Variants in CACNG4 observed in about 807,000 individuals in gnomAD.
CACNG4 encodes the protein calcium voltage-gated channel auxiliary subunit gamma 4.
Under a neutral mutation model 22.9 loss-of-function variants are expected in CACNG4, and 8 were observed. That is an observed-to-expected ratio of 0.35 (90% CI 0.21 to 0.63). CACNG4 has a LOEUF of 0.63. Among genes scored for constraint, CACNG4 ranks in the 30% least tolerant of loss-of-function variants. The probability of loss-of-function intolerance (pLI) is 0.72; values close to 1 mark genes in which losing one functional copy is unlikely to be tolerated. For synonymous variants in CACNG4, 188 were observed against 191.9 expected (o/e 0.98, Z 0.17); for missense variants, 357 against 455.4 (o/e 0.78, Z 1.97).
intron 1 of CACNG4, among the ~76,000 whole-genome samples, chr17:66,969,997 C>G (rs1227789340): frequency 1.3e-5 from 2 of 152,180 alleles, no homozygotes; most frequent in African/African-American, 4.8e-5. Context: ...TAAGTACCAC[C>G]GGCCAGAATC....
intron 3 of CACNG4, among the ~76,000 whole-genome samples, chr17:67,026,699 GTA>G (rs898570380): frequency 2.0e-5 from 3 of 150,926 alleles, no homozygotes; most frequent in Non-Finnish European, 3.0e-5. Flanking sequence ...GAGGACTATG[GTA>G]TATGTGTGTC....
Position 66,964,878 on chromosome 17 carries a change from G to C in CACNG4, c.-34G>C. ...GGAGGGCGGGCGGGCGCGGCGGGCC[G>C]GGCCGGCGGGCGGCGGACTATGAGG... On this transcript the variant is annotated 5_prime_UTR_variant, in exon 1 of 4. Transcript: ENST00000262138. 3.3e-6 allele frequency: 4 copies of C among 1,216,844 alleles called. No individual in the cohort carries two copies. Among genetic ancestry groups the C allele is most frequent in the East Asian group, 4.2e-5 (1 of 23,750 alleles). 75.4% of individuals were successfully genotyped at this position (1,216,844 alleles called of 1,614,324 possible). A position where few individuals can be genotyped will look rare whatever the true frequency, so the allele number is the denominator to read the frequency against.
rs2035189663 is a variant in CACNG4, at chr17:66,969,214, C to T, written c.220+4083C>T. The stretch of plus-strand genomic sequence containing the variant: ...AGACTCTGGGCCCAGAGGGCAGCAG[C>T]TTGTGCCACATGCCAAAGCCCTGCC... On this transcript the variant is annotated intron_variant, in intron 1 of 3. Transcript: ENST00000262138. Among the ~76,000 whole-genome samples the T allele has an allele frequency of 2.0e-5, 3 of 152,318 alleles. No homozygotes were observed. The South Asian group carries it at 6.2e-4, about 32-fold the overall frequency.
rs1196608742 is a variant in CACNG4 at position 66,972,191 on chromosome 17, T to C, written c.220+7060T>C. On this transcript the variant is annotated intron_variant, in intron 1 of 3. Coordinates refer to ENST00000262138, the MANE Select transcript of CACNG4 (RefSeq NM_014405.4). ...GGAAAGAAAGCTAAAGGTATGCCCA[T>C]GGGGGTGCCAGATTCTGACACTACT... is the stretch of plus-strand genomic sequence containing the variant. Among the ~76,000 whole-genome samples, 5 of 152,198 alleles carry C rather than the reference T, an allele frequency of 3.3e-5. No homozygotes were observed. The East Asian group carries it at 7.7e-4, about 24-fold the overall frequency.
At chr17:66,969,716 T>A (rs968169560) in intron 1 of CACNG4, among the ~76,000 whole-genome samples, 1 of 152,012 alleles carries the variant, frequency 6.6e-6, no homozygotes, top group Non-Finnish European at 1.5e-5. Flanking sequence ...TGCCCACAGG[T>A]GGGAGGCTTT....
chr17:66,986,238 C>T (rs186055744), intron 1 of CACNG4, among the ~76,000 whole-genome samples: 1 of 152,366 alleles, frequency 6.6e-6, no homozygotes, highest in Non-Finnish European at 1.5e-5. Context: ...TGCTTAGGAG[C>T]CTGCCTCTGG....
intron 2 of CACNG4, chr17:67,021,607 C>T (rs1482418803): frequency 6.6e-6 from 1 of 152,312 alleles, no homozygotes; most frequent in African/African-American, 2.4e-5. Context: ...GGTCACCACC[C>T]CACATCCTGC....
rs1366161644 is a variant in CACNG4 at position 67,031,047 on chromosome 17, G to A, written c.*43G>A. On this transcript the variant is annotated 3_prime_UTR_variant, in exon 4 of 4. Coordinates refer to ENST00000262138, the MANE Select transcript of CACNG4 (RefSeq NM_014405.4). This position sits in a 1 kb window ranked among gnomAD's most constrained non-coding sequence, Gnocchi z 4.0. Reference sequence around the variant, plus strand: ...TCCGCTCCAGCCTCTCCCCAGAACGGCTCTTTTTGTCACACAGGATGGCAT... The same window carrying A: ...TCCGCTCCAGCCTCTCCCCAGAACGACTCTTTTTGTCACACAGGATGGCAT... The A allele has an allele frequency of 6.4e-7, 1 of 1,565,146 alleles. No individual in the cohort carries two copies. Among genetic ancestry groups the A allele is most frequent in the East Asian group, 2.2e-5 (1 of 44,448 alleles).
At chr17:67,014,752 C>T (rs2035486964) in intron 1 of CACNG4, among the ~76,000 whole-genome samples, 1 of 152,106 alleles carries the variant, frequency 6.6e-6, no homozygotes, top group African/African-American at 2.4e-5. Context: ...GCCTAACCAA[C>T]ATGGTGAAAT....
chr17:67,006,648 G>T (rs2035439743), intron 1 of CACNG4, among the ~76,000 whole-genome samples: 1 of 152,074 alleles, frequency 6.6e-6, no homozygotes, highest in South Asian at 2.1e-4. Context: ...CCTGCTCCTT[G>T]TCTCATAGTG....
At chr17:67,017,857 G>A (rs924860652) in intron 1 of CACNG4, among the ~76,000 whole-genome samples, 1 of 151,996 alleles carries the variant, frequency 6.6e-6, no homozygotes, top group Non-Finnish European at 1.5e-5. Context: ...AGTCCCTTGG[G>A]TAGAGGGATC....
rs1365929201 is a variant in CACNG4 at position 66,981,823 on chromosome 17, A to G, written c.220+16692A>G. ...TTAGGTATTATCTCAAGAACTTTCC[A>G]TATGTTATCTCAACTTATCTTTGTA... On this transcript the variant is annotated intron_variant, in intron 1 of 3. Transcript: ENST00000262138. Among the ~76,000 whole-genome samples the G allele has an allele frequency of 2.0e-5, 3 of 152,356 alleles. No homozygotes were observed. In the East Asian group the frequency reaches 5.8e-4, roughly 29 times the overall value.
intron 1 of CACNG4, among the ~76,000 whole-genome samples, chr17:66,979,266 C>T (rs1392682551): frequency 6.6e-6 from 1 of 152,178 alleles, no homozygotes; most frequent in Non-Finnish European, 1.5e-5. Context: ...TCCCCTTTTC[C>T]CTTTGAGTCT....
chr17:67,021,612 T>A (rs2035532585), intron 2 of CACNG4: 1 of 152,308 alleles, frequency 6.6e-6, no homozygotes, highest in Non-Finnish European at 1.5e-5. Context: ...CCACCCCACA[T>A]CCTGCCTACC....
intron 3 of CACNG4, among the ~76,000 whole-genome samples, chr17:67,026,804 T>A (rs2035570716): frequency 6.6e-6 from 1 of 151,974 alleles, no homozygotes; most frequent in Admixed American, 6.6e-5. Context: ...CATGTGTGTG[T>A]GTTGGGAAGA....
At chr17:67,011,769 C>T (rs578183320) in intron 1 of CACNG4, among the ~76,000 whole-genome samples, 5 of 152,250 alleles carry the variant, frequency 3.3e-5, no homozygotes, top group South Asian at 2.1e-4. Context: ...GGAAAGGTCC[C>T]ACTCAGTATC....
At chr17:67,007,446 A>G (rs112161448) in intron 1 of CACNG4, among the ~76,000 whole-genome samples, 1 of 152,182 alleles carries the variant, frequency 6.6e-6, no homozygotes, top group African/African-American at 2.4e-5. Flanking sequence ...CACACTCATG[A>G]CATCATCACG....
intron 1 of CACNG4, among the ~76,000 whole-genome samples, chr17:66,992,988 C>G (rs1001567871): frequency 1.3e-5 from 2 of 152,240 alleles, no homozygotes; most frequent in Non-Finnish European, 2.9e-5. Flanking sequence ...CCAGAGGGAG[C>G]GCCCACCTTG....
At chr17:66,970,725 A>C (rs540221478) in intron 1 of CACNG4, among the ~76,000 whole-genome samples, 7 of 152,326 alleles carry the variant, frequency 4.6e-5, no homozygotes, top group South Asian at 2.1e-4. Flanking sequence ...CCCTGTCTCC[A>C]AATAGCATTG....
Sources: gnomAD v4.1 joint callset for allele counts (sites outside exome capture counted in the v4.1 genomes callset) on GRCh38, gnomAD v4.1.1 for gene constraint, Gnocchi (gnomAD v3.1) non-coding constraint, MANE v1.5 for transcripts, NCBI Gene and HGNC (gene_info 2026-07-23, HGNC 2026-07-21) for gene names.